The following CFAP20 variants were observed in gnomAD, a reference collection of about 807,000 sequenced individuals.
The protein encoded by CFAP20 is cilia and flagella associated protein 20.
In CFAP20, 14 loss-of-function variants were observed where a neutral mutation model predicts 25.5. The ratio of observed to expected loss-of-function variants is 0.55; its 90% CI spans 0.36 to 0.86. The LOEUF is 0.86. Ranked by LOEUF, CFAP20 falls within the 40% of genes least tolerant of loss-of-function variation. The pLI, the probability that CFAP20 is intolerant of heterozygous loss-of-function variation, is 0.01. For missense variants in CFAP20, 181 were observed against 248.0 expected, an observed-to-expected ratio of 0.73 and a Z score of 1.81; for synonymous variants, 75 against 91.1, an observed-to-expected ratio of 0.82 and a Z score of 1.01.
chr16:58,125,597 T>C (rs1045544413), intron 1 of CFAP20, among the ~76,000 whole-genome samples: 3 of 152,082 alleles, frequency 2.0e-5, no homozygotes, highest in Non-Finnish European at 4.4e-5. Flanking sequence ...GGTGGGAGGA[T>C]TGCTTGAGCC....
chr16:58,123,723 G>GT (rs1215294456), intron 1 of CFAP20, among the ~76,000 whole-genome samples: 4 of 148,196 alleles, frequency 2.7e-5, no homozygotes, highest in Non-Finnish European at 5.9e-5. Flanking sequence ...TACATTAAAC[G>GT]TAAGAGTCTT....
intron 1 of CFAP20, among the ~76,000 whole-genome samples, chr16:58,127,047 T>G (rs1960624325): frequency 6.6e-6 from 1 of 152,244 alleles, no homozygotes; most frequent in Non-Finnish European, 1.5e-5. Context: ...CCAAAATGTC[T>G]GTTTAATTTA....
At chr16:58,114,084 GGTCA>G in intron 5 of CFAP20, 54 bp from the exon 6 acceptor site, 2 of 1,588,166 alleles carry the variant, frequency 1.3e-6, no homozygotes, top group Admixed American at 1.7e-5. Context: ...GAAAATAGAT[GGTCA>G]GTGTCACAGG....
chr16:58,115,683 ACAGT>A (rs1960448570), intron 3 of CFAP20: 1 of 592,768 alleles, frequency 1.7e-6, no homozygotes, highest in East Asian at 2.9e-5. Context: ...GACATATAAC[ACAGT>A]CAGCAGGCTC....
chr16:58,116,890 A>G lies in CFAP20; in HGVS notation c.146T>C (p.Ile49Thr). The G allele has an allele frequency of 6.2e-7, 1 of 1,614,084 alleles. No individual in the cohort carries two copies. The highest frequency in any genetic ancestry group is 8.5e-7 in the Non-Finnish European group (1 of 1,179,952). ...DNDIQSLVLE[I>T]EGTNVSTTYI... ...AACCTACCTTACATTTGTCCCTTCA[A>G]TCTCTAGCACCAGGGACTGGATGTC... is the stretch of plus-strand genomic sequence containing the variant. Residue 49 changes from isoleucine (I) to threonine (T), a missense_variant, in exon 2 of 6, where the codon ATT becomes ACT. Physicochemically the swap from Ile to Thr is moderately conservative, Grantham distance 89 (BLOSUM62 -1). Coordinates refer to ENST00000262498, the MANE Select transcript of CFAP20 (RefSeq NM_013242.3).
chr16:58,124,298 C>A (rs935560627), intron 1 of CFAP20, among the ~76,000 whole-genome samples: 1 of 152,182 alleles, frequency 6.6e-6, no homozygotes, highest in Non-Finnish European at 1.5e-5. Flanking sequence ...GGGCTAAGTT[C>A]AAACATCTTA....
At chr16:58,114,221 T>C (rs1013898227) in intron 5 of CFAP20, among the ~76,000 whole-genome samples, 191 bp from the exon 6 acceptor site, 1 of 152,142 alleles carries the variant, frequency 6.6e-6, no homozygotes, top group Non-Finnish European at 1.5e-5. Context: ...GATAATACTT[T>C]TGGGCTGATT....
In CFAP20 at chr16:58,115,450, T is replaced by C; in HGVS notation, c.284A>G (p.Asp95Gly). The change falls in exon 4 of 6, where the codon GAT becomes GGT. Residue 95 changes from aspartate (D) to glycine (G), a missense_variant. Coordinates refer to ENST00000262498, the MANE Select transcript of CFAP20 (RefSeq NM_013242.3). ...KYFTFEVQVL[D>G]DKNVRRRFRA... ...AAAGCGACGACGCACATTCTTGTCA[T>C]CTAGTACCTGTGAAATACAGAGAAG... 2 of 1,614,166 alleles carry C rather than the reference T, an allele frequency of 1.2e-6. No homozygotes were observed. Among genetic ancestry groups the C allele is most frequent in the Non-Finnish European group, 1.7e-6 (2 of 1,180,022 alleles).
rs181230226 is a variant in CFAP20, at chr16:58,115,287, G to A, written c.447C>T (p.Ile149=). The change falls in exon 4 of 6, where the codon ATC becomes ATT. Residue 149 remains isoleucine (I), a synonymous_variant. Transcript: ENST00000262498. ...FTRRAYGTNY[I]ETLRVQIHAN... ...GCAGTACCTGCACTCTGAGGGTCTC[G>A]ATGTAATTGGTGCCGTATGCTCGCC... 52 of 1,614,190 alleles carry A rather than the reference G, an allele frequency of 3.2e-5. No homozygotes were observed. The highest frequency in any genetic ancestry group is 2.8e-4 in the Admixed American group (17 of 60,018).
intron 1 of CFAP20, among the ~76,000 whole-genome samples, chr16:58,125,075 A>G (rs1960594194): frequency 6.6e-6 from 1 of 152,086 alleles, no homozygotes; most frequent in African/African-American, 2.4e-5. Flanking sequence ...GCACAAAAAT[A>G]TTTTCTTTCT....
chr16:58,116,819 G>C (rs111955536), intron 2 of CFAP20, 53 bp downstream of exon 2: 58,075 of 1,512,020 alleles, frequency 0.038, 1,675 homozygotes, highest in South Asian at 0.13. Context: ...CCTCTATGAC[G>C]TACTGCCTCC....
chr16:58,115,341 C>A lies in CFAP20; in HGVS notation c.393G>T (p.Gln131His). The change falls in exon 4 of 6, where the codon CAG (glutamine) becomes CAT (histidine). Residue 131 changes from glutamine (Q) to histidine (H), a missense_variant. Physicochemically the swap from Gln to His is conservative, Grantham distance 24. Coordinates refer to ENST00000262498, the MANE Select transcript of CFAP20 (RefSeq NM_013242.3). ...TGAAGTCTAGCAAGTTGAACTGAAT[C>A]TGGTTCCAGCCGTCATCCAGCCGCA... ...MPMRLDDGWNQIQFNLLDFTR... is the reference protein window; with the variant it reads ...MPMRLDDGWNHIQFNLLDFTR... 2 of 1,614,252 alleles carry A rather than the reference C, an allele frequency of 1.2e-6. No homozygotes were observed. Among genetic ancestry groups the A allele is most frequent in the Non-Finnish European group, 1.7e-6 (2 of 1,180,044 alleles).
At chr16:58,128,261 G>A (rs1170727475) in intron 1 of CFAP20, among the ~76,000 whole-genome samples, 1 of 152,124 alleles carries the variant, frequency 6.6e-6, no homozygotes, top group Admixed American at 6.5e-5. Context: ...ATCATCTAGT[G>A]GATGCCTGAA....
rs372145737 is a variant in CFAP20 at position 58,129,284 on chromosome 16, G to A, written c.-169C>T. On this transcript the variant is annotated 5_prime_UTR_variant, in exon 1 of 6. Transcript: ENST00000262498. ...CCACTGATGGCCGGACTCGGACGCG[G>A]CAACGCTAAGTCCGCGATCTTCAGC... 9 of 653,636 alleles carry A rather than the reference G, an allele frequency of 1.4e-5. No homozygotes were observed. The highest frequency in any genetic ancestry group is 1.3e-4 in the African/African-American group (7 of 55,272). 40.5% of individuals were successfully genotyped at this position (653,636 alleles called of 1,614,324 possible).
At position 58,116,829 on chromosome 16, in the gene CFAP20, C is replaced by T. The variant is rs375373333; in HGVS notation, c.164+43G>A. The T allele has an allele frequency of 5.1e-6, 8 of 1,557,796 alleles. No homozygotes were observed. In the African/African-American group the frequency reaches 8.1e-5, roughly 16 times the overall value. ...ATTAACCTCTATGACGTACTGCCTC[C>T]CTAGTATATGATGTCTCTGGGAGAA... On this transcript the variant is annotated intron_variant, in intron 2 of 5. Coordinates refer to ENST00000262498, the MANE Select transcript of CFAP20 (RefSeq NM_013242.3).
At chr16:58,120,914 C>T (rs1405068050) in intron 1 of CFAP20, among the ~76,000 whole-genome samples, 5 of 152,100 alleles carry the variant, frequency 3.3e-5, no homozygotes, top group Non-Finnish European at 7.3e-5. Flanking sequence ...CACAAGTATC[C>T]CCATGTGAAA....
intron 2 of CFAP20, chr16:58,116,551 C>T: frequency 2.5e-6 from 1 of 402,240 alleles, no homozygotes; most frequent in South Asian, 4.6e-5. Flanking sequence ...CTCCCCACCC[C>T]AACACACACT....
chr16:58,123,102 C>G (rs1423968946), intron 1 of CFAP20, among the ~76,000 whole-genome samples: 1 of 151,950 alleles, frequency 6.6e-6, no homozygotes, highest in African/African-American at 2.4e-5. Flanking sequence ...TCAAGTGATT[C>G]TCCTGCCTCA....
At chr16:58,119,132 G>A (rs1960498184) in intron 1 of CFAP20, 1 of 152,134 alleles carries the variant, frequency 6.6e-6, no homozygotes, top group African/African-American at 2.4e-5. Flanking sequence ...TCTGTTTTTA[G>A]ACATTAGTCT....
Sources: gnomAD v4.1 joint callset for allele counts (sites outside exome capture counted in the v4.1 genomes callset) on GRCh38, gnomAD v4.1.1 for gene constraint, MANE v1.5 for transcripts, NCBI Gene and HGNC (gene_info 2026-07-23, HGNC 2026-07-21) for gene names.